The following PIP4K2A variants were observed in gnomAD, a reference collection of about 807,000 sequenced individuals.
PIP4K2A encodes phosphatidylinositol 5-phosphate 4-kinase type-2 alpha.
In PIP4K2A, 14 loss-of-function variants were observed where a neutral mutation model predicts 42.9. The observed-to-expected ratio is 0.33, with a 90% CI of 0.22 to 0.51. The LOEUF (loss-of-function observed/expected upper bound fraction) is 0.51, where lower values mean the gene tolerates loss of function less well. Ranked by LOEUF, PIP4K2A falls within the 20% of genes least tolerant of loss-of-function variation. PIP4K2A has a pLI of 0.97. For missense variants in PIP4K2A, 434 were observed against 519.8 expected, an observed-to-expected ratio of 0.83 and a Z score of 1.61; for synonymous variants, 192 against 192.2, an observed-to-expected ratio of 1.00 and a Z score of 0.01.
chr10:22,657,186 C>T (rs1270436270), intron 1 of PIP4K2A, among the ~76,000 whole-genome samples: 1 of 152,188 alleles, frequency 6.6e-6, no homozygotes, highest in Admixed American at 6.5e-5. Context: ...TGGAACAGAA[C>T]ATTCTCAGAA....
At position 22,596,205 on chromosome 10, in the gene PIP4K2A, C is replaced by CAAAAAAAAAAAAAA. The variant is rs10681238; in HGVS notation, c.340-4438_340-4425dup. On this transcript the variant is annotated intron_variant, in intron 3 of 9. Coordinates refer to ENST00000376573, the MANE Select transcript of PIP4K2A (RefSeq NM_005028.5). Reference sequence around the variant, plus strand: ...GGGCAACAAGAGCAAAACTCCGTCTCAAAAAAAAAAAAAAAAAAAAGGATT... The same window carrying CAAAAAAAAAAAAAA: ...GGGCAACAAGAGCAAAACTCCGTCTCAAAAAAAAAAAAAAAAAAAAAAAAAAAAAAAAAAGGATT... 5.6e-4 allele frequency among the ~76,000 whole-genome samples: 39 copies of CAAAAAAAAAAAAAA among 69,656 alleles called. 2 individuals are homozygous for CAAAAAAAAAAAAAA. Among genetic ancestry groups the CAAAAAAAAAAAAAA allele is most frequent in the African/African-American group, 1.0e-3 (16 of 15,802 alleles). 45.7% of individuals were successfully genotyped at this position (69,656 alleles called of 152,430 possible).
At chr10:22,686,203 G>C (rs760546900) in intron 1 of PIP4K2A, among the ~76,000 whole-genome samples, 4 of 152,164 alleles carry the variant, frequency 2.6e-5, no homozygotes, top group Non-Finnish European at 5.9e-5. Flanking sequence ...TATTCCCAAA[G>C]GCAGTTGGCC....
chr10:22,698,654 C>G (rs1336429023), intron 1 of PIP4K2A, among the ~76,000 whole-genome samples: 1 of 152,020 alleles, frequency 6.6e-6, no homozygotes, highest in Non-Finnish European at 1.5e-5. Context: ...TACTTTTGCA[C>G]CAACCTAATT....
intron 3 of PIP4K2A, among the ~76,000 whole-genome samples, chr10:22,601,236 G>A (rs1327138849): frequency 6.7e-6 from 1 of 150,228 alleles, no homozygotes; most frequent in African/African-American, 2.4e-5. Flanking sequence ...CCAGTAGCAA[G>A]GATGACTGGC....
intron 6 of PIP4K2A, among the ~76,000 whole-genome samples, chr10:22,558,612 T>G (rs1377037628): frequency 1.3e-5 from 2 of 152,256 alleles, no homozygotes; most frequent in East Asian, 3.8e-4. Context: ...TTTAACTACA[T>G]AAGCAGAATG....
intron 6 of PIP4K2A, among the ~76,000 whole-genome samples, chr10:22,564,289 T>C (rs936479480): frequency 2.4e-4 from 36 of 152,344 alleles, no homozygotes; most frequent in Admixed American, 2.2e-3. Context: ...ACCACGCCAT[T>C]AGCTGTAACT....
intron 3 of PIP4K2A, among the ~76,000 whole-genome samples, chr10:22,593,446 G>A (rs975593338): frequency 6.6e-6 from 1 of 152,190 alleles, no homozygotes; most frequent in Non-Finnish European, 1.5e-5. Flanking sequence ...GATAGACTGA[G>A]AATGATAAAA....
At chr10:22,586,819 C>T (rs909471163) in intron 4 of PIP4K2A, among the ~76,000 whole-genome samples, 1 of 152,238 alleles carries the variant, frequency 6.6e-6, no homozygotes, top group Admixed American at 6.5e-5. Context: ...ACGTGAGCCA[C>T]TGCGCCTGGC....
intron 7 of PIP4K2A, among the ~76,000 whole-genome samples, chr10:22,546,754 T>C (rs1294895553): frequency 6.6e-6 from 1 of 152,148 alleles, no homozygotes; most frequent in East Asian, 1.9e-4. Context: ...GTGAATGAAG[T>C]GTGGCAATAC....
intron 4 of PIP4K2A, among the ~76,000 whole-genome samples, chr10:22,583,696 C>T (rs1234929887): frequency 6.6e-6 from 1 of 152,190 alleles, no homozygotes; most frequent in Non-Finnish European, 1.5e-5. Flanking sequence ...GGGTCAGAGG[C>T]CTTCCCAAAC....
chr10:22,601,334 G>A (rs567653169), intron 3 of PIP4K2A, among the ~76,000 whole-genome samples: 1 of 152,156 alleles, frequency 6.6e-6, no homozygotes, highest in East Asian at 1.9e-4. Flanking sequence ...TGGGGTCCCA[G>A]GTGGGGGCAG....
intron 1 of PIP4K2A, among the ~76,000 whole-genome samples, chr10:22,705,456 AAAAAAAG>A (rs1773426073): frequency 6.9e-6 from 1 of 144,012 alleles, no homozygotes; most frequent in Admixed American, 7.1e-5. Context: ...AAAAAAAAAA[AAAAAAAG>A]GACAGAGAGA....
At chr10:22,698,280 T>A (rs1456900383) in intron 1 of PIP4K2A, among the ~76,000 whole-genome samples, 1 of 152,232 alleles carries the variant, frequency 6.6e-6, no homozygotes, top group Non-Finnish European at 1.5e-5. Context: ...TATCTTTTTA[T>A]TCCAATCTTT....
Position 22,697,606 on chromosome 10 carries a change from T to A in PIP4K2A, c.144+16577A>T, listed in dbSNP as rs181513651. On this transcript the variant is annotated intron_variant, in intron 1 of 9. Coordinates refer to ENST00000376573, the MANE Select transcript of PIP4K2A (RefSeq NM_005028.5). ...GGGGTATGGTGGCACACAACTATAGTCCCAGCTATTACAGGAGGCTGAAGC... is the reference window on the plus strand; with the variant it reads ...GGGGTATGGTGGCACACAACTATAGACCCAGCTATTACAGGAGGCTGAAGC... 2.5e-3 allele frequency among the ~76,000 whole-genome samples: 374 copies of A among 152,170 alleles called. 2 individuals carry two copies. Among genetic ancestry groups the A allele is most frequent in the African/African-American group, 8.0e-3 (334 of 41,528 alleles).
intron 1 of PIP4K2A, among the ~76,000 whole-genome samples, chr10:22,640,330 G>A (rs1838755027): frequency 6.6e-6 from 1 of 152,074 alleles, no homozygotes; most frequent in South Asian, 2.1e-4. Flanking sequence ...TACTATTTTG[G>A]TACCAAAAGA....
At position 22,536,987 on chromosome 10, in the gene PIP4K2A, T is replaced by A; in HGVS notation, c.*214A>T. ...CCCCCAACACACACACACACACATATACACAAAGTCAGAAATAGCTAGAAC... is the reference window on the plus strand; with the variant it reads ...CCCCCAACACACACACACACACATAAACACAAAGTCAGAAATAGCTAGAAC... On this transcript the variant is annotated 3_prime_UTR_variant, in exon 10 of 10. Coordinates refer to ENST00000376573, the MANE Select transcript of PIP4K2A (RefSeq NM_005028.5). 2 of 431,938 alleles carry A rather than the reference T, an allele frequency of 4.6e-6. No individual in the cohort carries two copies. Among genetic ancestry groups the A allele is most frequent in the Non-Finnish European group, 8.4e-6 (2 of 237,120 alleles). 26.8% of individuals were successfully genotyped at this position (431,938 alleles called of 1,614,324 possible).
chr10:22,664,236 CACACACACACACACATATATATAT>C (rs1267228299), intron 1 of PIP4K2A, among the ~76,000 whole-genome samples: 18 of 126,362 alleles, frequency 1.4e-4, no homozygotes, highest in Non-Finnish European at 8.0e-5. Context: ...TATACACACA[CACACACACACACACATATATATAT>C]ACACACACAT....
At chr10:22,656,382 G>C (rs1045585009) in intron 1 of PIP4K2A, among the ~76,000 whole-genome samples, 1 of 152,164 alleles carries the variant, frequency 6.6e-6, no homozygotes, top group Non-Finnish European at 1.5e-5. Flanking sequence ...AGGGACAGAC[G>C]TATGACCCAA....
At chr10:22,647,331 T>TGTGTGTGTGCACGCGC (rs1242096163) in intron 1 of PIP4K2A, among the ~76,000 whole-genome samples, 2 of 150,352 alleles carry the variant, frequency 1.3e-5, no homozygotes, top group Non-Finnish European at 3.0e-5. Flanking sequence ...TGTATGTGTG[T>TGTGTGTGTGCACGCGC]GTGTGTGTGC....
Sources: gnomAD v4.1 joint callset for allele counts (sites outside exome capture counted in the v4.1 genomes callset) on GRCh38, gnomAD v4.1.1 for gene constraint, MANE v1.5 for transcripts, NCBI Gene and HGNC (gene_info 2026-07-23, HGNC 2026-07-21) for gene names.